ADGRG4: variants seen among roughly 807,000 people sequenced by gnomAD.
The protein encoded by ADGRG4 is G protein-coupled receptor 112.
In ADGRG4, 122 loss-of-function variants were observed where a neutral mutation model predicts 126.2. That is an observed-to-expected ratio of 0.97 (90% confidence interval 0.83 to 1.12). ADGRG4 has a LOEUF of 1.12. ADGRG4 is among the 50% of genes most tolerant of loss of function. The pLI is 0.00. For missense variants in ADGRG4, 2,481 were observed against 2,251.8 expected, an observed-to-expected ratio of 1.10 and a Z score of -2.06; for synonymous variants, 943 against 838.7, an observed-to-expected ratio of 1.12 and a Z score of -2.15.
intron 15 of ADGRG4, among the ~76,000 whole-genome samples, chrX:136,382,246 C>T (rs1044382794): frequency 3.6e-5 from 4 of 111,477 alleles, no homozygotes; most frequent in Non-Finnish European, 5.7e-5. Context: ...CACAAATCCC[C>T]AACACAAATA....
In ADGRG4 at chrX:136,347,908, C is replaced by T. The variant is rs748731483; in HGVS notation, c.4202C>T (p.Thr1401Ile). The T allele has an allele frequency of 1.7e-6, 2 of 1,209,355 alleles. No individual in the cohort carries two copies. The highest frequency in any genetic ancestry group is 1.1e-6 in the Non-Finnish European group (1 of 893,205). Reference protein sequence around the residue: ...PRTVEMIVNSTYVTHSVSYGQ... With the variant: ...PRTVEMIVNSIYVTHSVSYGQ... Reference sequence around the variant, plus strand: ...ACTGTGGAAATGATAGTAAACTCCACCTATGTGACTCACTCTGTCTCATAT... The same window carrying T: ...ACTGTGGAAATGATAGTAAACTCCATCTATGTGACTCACTCTGTCTCATAT... Residue 1401 changes from threonine (T) to isoleucine (I), a missense_variant, in exon 6 of 26, where the codon ACC (threonine) becomes ATC (isoleucine). Transcript: ENST00000394143.
intron 15 of ADGRG4, among the ~76,000 whole-genome samples, chrX:136,376,627 G>GGTATTGTATTTTATT (rs1556015977): frequency 0.014 from 1,248 of 86,184 alleles, 29 homozygotes; most frequent in African/African-American, 0.054. Flanking sequence ...TATATTCCTG[G>GGTATTGTATTTTATT]GTATTGTATT....
intron 15 of ADGRG4, among the ~76,000 whole-genome samples, chrX:136,377,044 C>T (rs1426570023): frequency 9.0e-6 from 1 of 110,516 alleles, no homozygotes; most frequent in Non-Finnish European, 1.9e-5. Context: ...GTGTTCTTTA[C>T]ACATTCTGGA....
chrX:136,398,282 A>G (rs777688699), intron 20 of ADGRG4, among the ~76,000 whole-genome samples: 1 of 112,470 alleles, frequency 8.9e-6, no homozygotes, highest in South Asian at 3.7e-4. Flanking sequence ...TTTATTAAGA[A>G]CTTCTTTAAT....
At chrX:136,366,861 ATGTT>A (rs1249641740) in intron 13 of ADGRG4, among the ~76,000 whole-genome samples, 1 of 101,882 alleles carries the variant, frequency 9.8e-6, no homozygotes, top group Non-Finnish European at 2.0e-5. Context: ...TATAGGCTGA[ATGTT>A]TGTGTGCCCC....
Position 136,347,440 on chromosome X carries a change from T to A in ADGRG4, c.3734T>A (p.Ile1245Asn). 1 of 1,208,956 alleles carries A rather than the reference T, an allele frequency of 8.3e-7. No homozygotes were observed. Among genetic ancestry groups the A allele is most frequent in the South Asian group, 1.8e-5 (1 of 56,931 alleles). The change falls in exon 6 of 26, where the codon ATC becomes AAC. Residue 1245 changes from isoleucine to asparagine, a missense_variant. By Grantham distance (149) the Ile-to-Asn change is moderately radical. Coordinates refer to ENST00000394143, the MANE Select transcript of ADGRG4 (RefSeq NM_153834.4). The part of the protein sequence containing the change: ...ATYRVHTPVS[I>N]QLVTSTSVLS... The stretch of plus-strand genomic sequence containing the variant: ...TATCGTGTACACACACCAGTGTCCA[T>A]CCAGTTGGTGACTAGCACCTCTGTC...
chrX:136,397,267 C>G (rs1194669110), intron 19 of ADGRG4, among the ~76,000 whole-genome samples: 2 of 111,389 alleles, frequency 1.8e-5, no homozygotes, highest in African/African-American at 6.5e-5. Flanking sequence ...TTGAGAACTA[C>G]CAAAGTAAAC....
chrX:136,385,740 A>G (rs908682940), intron 15 of ADGRG4, among the ~76,000 whole-genome samples: 1 of 112,157 alleles, frequency 8.9e-6, no homozygotes, highest in African/African-American at 3.2e-5. Flanking sequence ...TAGATTATAG[A>G]TTTTTGTCAT....
At chrX:136,400,720 GC>G (rs202008246) in intron 21 of ADGRG4, among the ~76,000 whole-genome samples, 1,791 of 112,175 alleles carry the variant, frequency 0.016, 33 homozygotes, top group African/African-American at 0.055. Flanking sequence ...GTGAAAGAGT[GC>G]TGGGTCAGCC....
intron 5 of ADGRG4, among the ~76,000 whole-genome samples, chrX:136,324,144 G>C (rs186624672): frequency 4.5e-5 from 5 of 111,077 alleles, no homozygotes; most frequent in Non-Finnish European, 5.7e-5. Context: ...CTTGATTTTG[G>C]TGATGTCTGT....
intron 17 of ADGRG4, among the ~76,000 whole-genome samples, chrX:136,393,066 C>G (rs188449812): frequency 3.2e-4 from 36 of 111,948 alleles, no homozygotes; most frequent in Non-Finnish European, 4.5e-4. Flanking sequence ...ACTAATTGCT[C>G]CTTGCCTGCA....
Position 136,344,592 on chromosome X carries a change from A to T in ADGRG4, c.886A>T (p.Thr296Ser). ...CAATACAACATCTCCACCTCTGGAA[A>T]CAATGACTGCACAAAAAATCTTAAA... ...YSNTTSPPLE[T>S]MTAQKILKTL... Residue 296 changes from threonine (T) to serine (S), a missense_variant, in exon 6 of 26, where the codon ACA becomes TCA. Coordinates refer to ENST00000394143, the MANE Select transcript of ADGRG4 (RefSeq NM_153834.4). 8.3e-7 allele frequency: 1 copy of T among 1,206,920 alleles called. No individual in the cohort carries two copies. Among genetic ancestry groups the T allele is most frequent in the South Asian group, 1.8e-5 (1 of 56,501 alleles).
intron 15 of ADGRG4, among the ~76,000 whole-genome samples, chrX:136,380,652 CTCCTCCTCCTCCTCCTCT>C (rs1235711534): frequency 6.9e-5 from 4 of 58,349 alleles, no homozygotes; most frequent in Middle Eastern, 9.2e-3. Flanking sequence ...CTTCTTCTTC[CTCCTCCTCCTCCTCCTCT>C]TCCTCCTCCT....
At chrX:136,393,474 A>G in intron 17 of ADGRG4, 61 bp from the exon 18 acceptor site, 1 of 945,733 alleles carries the variant, frequency 1.1e-6, no homozygotes, top group Non-Finnish European at 1.5e-6. Flanking sequence ...TTATGTGTAT[A>G]TGTTACTATA....
Position 136,399,870 on chromosome X carries a change from G to A in ADGRG4, c.8329G>A (p.Ala2777Thr). 8.3e-7 allele frequency: 1 copy of A among 1,202,007 alleles called. No homozygotes were observed. Residue 2777 changes from alanine (A) to threonine (T), a missense_variant, in exon 21 of 26, where the codon GCC becomes ACC. Coordinates refer to ENST00000394143, the MANE Select transcript of ADGRG4 (RefSeq NM_153834.4). Reference protein sequence around the residue: ...AFHKLRKDYPAKILINLCTAL... With the variant: ...AFHKLRKDYPTKILINLCTAL... Reference sequence around the variant, plus strand: ...TAGCAAACTTCGAAAAGATTATCCTGCCAAAATTCTGATCAACCTGTGCAC... The same window carrying A: ...TAGCAAACTTCGAAAAGATTATCCTACCAAAATTCTGATCAACCTGTGCAC...
rs1169107881 is a variant in ADGRG4 at position 136,347,731 on chromosome X, C to A, written c.4025C>A (p.Thr1342Asn). The change falls in exon 6 of 26, where the codon ACC (threonine) becomes AAC (asparagine). Residue 1342 changes from threonine (T) to asparagine (N), a missense_variant. Thr to Asn is a moderately conservative substitution (Grantham distance 65). Coordinates refer to ENST00000394143, the MANE Select transcript of ADGRG4 (RefSeq NM_153834.4). ...TCTGGAAGCACACAGATTACACCAA[C>A]CTTGACCTCAAGTAACACAGTAGGT... ...PTSGSTQITP[T>N]LTSSNTVGVH... The A allele has an allele frequency of 8.3e-7, 1 of 1,210,598 alleles. No individual in the cohort carries two copies. The highest frequency in any genetic ancestry group is 3.0e-5 in the East Asian group (1 of 33,803).
At chrX:136,383,850 CT>C (rs1364288807) in intron 15 of ADGRG4, among the ~76,000 whole-genome samples, 16 of 70,520 alleles carry the variant, frequency 2.3e-4, no homozygotes, top group African/African-American at 6.5e-4. Context: ...TTCTTTCTTT[CT>C]TTCTTTCTTT....
At chrX:136,360,039 C>T (rs1041067624) in intron 11 of ADGRG4, among the ~76,000 whole-genome samples, 4 of 111,634 alleles carry the variant, frequency 3.6e-5, no homozygotes, top group Middle Eastern at 4.6e-3. Context: ...GGCATTAGAA[C>T]GCACAATCCT....
At position 136,347,265 on chromosome X, in the gene ADGRG4, T is replaced by A. The variant is rs2075024294; in HGVS notation, c.3559T>A (p.Phe1187Ile). 8.3e-7 allele frequency: 1 copy of A among 1,209,706 alleles called. No homozygotes were observed. The highest frequency in any genetic ancestry group is 1.1e-6 in the Non-Finnish European group (1 of 894,936). The change falls in exon 6 of 26, where the codon TTC becomes ATC. Residue 1187 changes from phenylalanine (F) to isoleucine (I), a missense_variant. By Grantham distance (21) the Phe-to-Ile change is conservative. Coordinates refer to ENST00000394143, the MANE Select transcript of ADGRG4 (RefSeq NM_153834.4). ...GGAGACTTCTACCTATGCTCTCAGC[T>A]TCCCATATACTTTCAGTGGTGGTGG... Reference protein sequence around the residue: ...VEETSTYALSFPYTFSGGGVV... With the variant: ...VEETSTYALSIPYTFSGGGVV...
Sources: gnomAD v4.1 joint callset for allele counts (sites outside exome capture counted in the v4.1 genomes callset) on GRCh38, gnomAD v4.1.1 for gene constraint, MANE v1.5 for transcripts, NCBI Gene and HGNC (gene_info 2026-07-23, HGNC 2026-07-21) for gene names.